NUBPL: variants seen among roughly 807,000 people sequenced by gnomAD.
The protein encoded by NUBPL is NUBP iron-sulfur cluster assembly factor, mitochondrial, also known as iron-sulfur cluster transfer protein NUBPL.
NUBPL carries 31 observed loss-of-function variants against 45.7 expected under a neutral mutation model. That is an observed-to-expected ratio of 0.68 (90% confidence interval 0.51 to 0.92). The LOEUF (loss-of-function observed/expected upper bound fraction) is 0.92. NUBPL is among the 40% of genes least tolerant of loss of function. The probability of loss-of-function intolerance (pLI) is 0.00; values close to 1 mark genes in which losing one functional copy is unlikely to be tolerated. For missense variants in NUBPL, 401 were observed against 398.7 expected (o/e 1.01, Z -0.05); for synonymous variants, 144 against 140.9 (o/e 1.02, Z -0.15).
At chr14:31,762,604 T>G (rs1036043292) in intron 6 of NUBPL, among the ~76,000 whole-genome samples, 7 of 152,086 alleles carry the variant, frequency 4.6e-5, no homozygotes, top group African/African-American at 1.4e-4. Flanking sequence ...AAATACAAAT[T>G]TAGGAGTATT....
intron 3 of NUBPL, among the ~76,000 whole-genome samples, chr14:31,571,598 C>T (rs2033586922): frequency 6.6e-6 from 1 of 152,032 alleles, no homozygotes; most frequent in Non-Finnish European, 1.5e-5. Flanking sequence ...TACAGGCAAG[C>T]ACCACCATGC....
chr14:31,641,529 T>A lies in NUBPL; in HGVS notation c.383-31826T>A, dbSNP rs565583210. Among the ~76,000 whole-genome samples the A allele has an allele frequency of 2.1e-3, 320 of 152,352 alleles. 1 individual carries two copies. The highest frequency in any genetic ancestry group is 7.3e-3 in the African/African-American group (305 of 41,578). ...GGATTCCATTCTTTTTTATGGCTGATTAATATTCCATTGTGTATATATGCA... is the reference window on the plus strand; with the variant it reads ...GGATTCCATTCTTTTTTATGGCTGAATAATATTCCATTGTGTATATATGCA... On this transcript the variant is annotated intron_variant, in intron 4 of 10. Transcript: ENST00000281081.
rs182751613 is a variant in NUBPL at position 31,820,089 on chromosome 14, G to A, written c.608-6540G>A. On this transcript the variant is annotated intron_variant, in intron 7 of 10. Coordinates refer to ENST00000281081, the MANE Select transcript of NUBPL (RefSeq NM_025152.3). Reference sequence around the variant, plus strand: ...CAGGAGGCGGAGCTTGCAGTGATCCGAGATCATGCCACTGCACTCCAGCCT... The same window carrying A: ...CAGGAGGCGGAGCTTGCAGTGATCCAAGATCATGCCACTGCACTCCAGCCT... Among the ~76,000 whole-genome samples the A allele has an allele frequency of 3.4e-3, 494 of 145,218 alleles. 5 individuals carry two copies. Among genetic ancestry groups the A allele is most frequent in the Admixed American group, 3.8e-3 (55 of 14,438 alleles).
At chr14:31,627,714 T>G (rs2035241731) in intron 4 of NUBPL, among the ~76,000 whole-genome samples, 1 of 145,086 alleles carries the variant, frequency 6.9e-6, no homozygotes, top group Non-Finnish European at 1.5e-5. Flanking sequence ...TGCAGTGAGC[T>G]GAGATCGTGC....
At chr14:31,646,624 C>G (rs1008444107) in intron 4 of NUBPL, among the ~76,000 whole-genome samples, 1 of 152,028 alleles carries the variant, frequency 6.6e-6, no homozygotes, top group Non-Finnish European at 1.5e-5. Context: ...TTTTCTCTTG[C>G]TGCTTTTAGT....
chr14:31,799,739 G>T (rs2039548363), intron 7 of NUBPL, among the ~76,000 whole-genome samples: 1 of 152,196 alleles, frequency 6.6e-6, no homozygotes, highest in African/African-American at 2.4e-5. Context: ...TTTGCTGGCA[G>T]AGTGTCTTTC....
At chr14:31,570,708 G>C (rs958323965) in intron 3 of NUBPL, among the ~76,000 whole-genome samples, 7 of 151,908 alleles carry the variant, frequency 4.6e-5, no homozygotes, top group African/African-American at 1.5e-4. Context: ...TTTAATTAAG[G>C]CACGTGCTAC....
At chr14:31,734,587 T>C (rs11156704) in intron 6 of NUBPL, among the ~76,000 whole-genome samples, 1 of 151,952 alleles carries the variant, frequency 6.6e-6, no homozygotes, top group African/African-American at 2.4e-5. Flanking sequence ...AGTTTCATAT[T>C]TCATAAATTT....
Position 31,681,074 on chromosome 14 carries a change from G to A in NUBPL, c.513+7500G>A, listed in dbSNP as rs115896815. Reference sequence around the variant, plus strand: ...ATGAGAGTTAGCCTGGCCTCAAAAAGTAAGTTGGAAAGTACTTTCCTCTTC... The same window carrying A: ...ATGAGAGTTAGCCTGGCCTCAAAAAATAAGTTGGAAAGTACTTTCCTCTTC... On this transcript the variant is annotated intron_variant, in intron 6 of 10. Transcript: ENST00000281081. 2.2e-3 allele frequency among the ~76,000 whole-genome samples: 328 copies of A among 152,126 alleles called. 3 individuals carry two copies. Among genetic ancestry groups the A allele is most frequent in the African/African-American group, 7.5e-3 (311 of 41,518 alleles).
intron 4 of NUBPL, among the ~76,000 whole-genome samples, chr14:31,639,881 A>T (rs1003477163): frequency 2.6e-5 from 4 of 151,862 alleles, no homozygotes; most frequent in Non-Finnish European, 5.9e-5. Context: ...ATAGGATGGG[A>T]TTATATCCAG....
chr14:31,638,649 G>T (rs1019473899), intron 4 of NUBPL, among the ~76,000 whole-genome samples: 38 of 152,120 alleles, frequency 2.5e-4, no homozygotes, highest in Non-Finnish European at 1.5e-5. Context: ...TTGCTAGATT[G>T]GGGAAGTTCT....
intron 4 of NUBPL, among the ~76,000 whole-genome samples, chr14:31,613,731 C>G (rs1481241657): frequency 6.6e-6 from 1 of 152,108 alleles, no homozygotes; most frequent in Non-Finnish European, 1.5e-5. Context: ...GCTGGGATTA[C>G]AGGTGTGAGC....
chr14:31,658,767 C>G (rs2036201804), intron 4 of NUBPL, among the ~76,000 whole-genome samples: 1 of 152,130 alleles, frequency 6.6e-6, no homozygotes, highest in African/African-American at 2.4e-5. Context: ...CTGCCTCGGC[C>G]TCCCAAAGTG....
At chr14:31,638,225 A>T (rs1292715552) in intron 4 of NUBPL, among the ~76,000 whole-genome samples, 1 of 151,718 alleles carries the variant, frequency 6.6e-6, no homozygotes, top group Non-Finnish European at 1.5e-5. Context: ...AGCAGCTAGT[A>T]CCGGTTGTTC....
intron 6 of NUBPL, among the ~76,000 whole-genome samples, chr14:31,747,147 T>TC (rs2038418132): frequency 6.7e-6 from 1 of 149,712 alleles, no homozygotes; most frequent in South Asian, 2.1e-4. Context: ...TTTCTTTTTT[T>TC]TTTTCTGAGT....
intron 6 of NUBPL, among the ~76,000 whole-genome samples, chr14:31,689,811 T>G (rs2037051139): frequency 6.6e-6 from 1 of 152,226 alleles, no homozygotes; most frequent in African/African-American, 2.4e-5. Flanking sequence ...ATTTAAGTCT[T>G]TAATCCATCT....
chr14:31,784,075 C>T (rs954748008), intron 6 of NUBPL, among the ~76,000 whole-genome samples: 1 of 152,002 alleles, frequency 6.6e-6, no homozygotes, highest in Non-Finnish European at 1.5e-5. Context: ...AGTTTATTAA[C>T]GTGAAAGGCT....
chr14:31,759,886 G>C (rs1055742983), intron 6 of NUBPL, among the ~76,000 whole-genome samples: 3 of 151,280 alleles, frequency 2.0e-5, no homozygotes, highest in Non-Finnish European at 4.4e-5. Context: ...GCCAGTATAA[G>C]TGTTCTGAGC....
intron 6 of NUBPL, among the ~76,000 whole-genome samples, chr14:31,759,951 A>G (rs1350978977): frequency 6.6e-6 from 1 of 151,280 alleles, no homozygotes; most frequent in Non-Finnish European, 1.5e-5. Flanking sequence ...GTTGTATTGA[A>G]TGCATTTTGA....
Sources: gnomAD v4.1 joint callset for allele counts (sites outside exome capture counted in the v4.1 genomes callset) on GRCh38, gnomAD v4.1.1 for gene constraint, MANE v1.5 for transcripts, NCBI Gene and HGNC (gene_info 2026-07-23, HGNC 2026-07-21) for gene names.